The following SERPINB7 variants were observed in gnomAD, a reference collection of about 807,000 sequenced individuals.
SERPINB7 encodes the protein serpin family B member 7.
A neutral mutation model predicts 37.4 loss-of-function variants in SERPINB7; 31 were observed. The observed-to-expected ratio is 0.83, with a 90% confidence interval of 0.62 to 1.12. SERPINB7 has a LOEUF of 1.12. Ranked by LOEUF, SERPINB7 falls within the 50% of genes most tolerant of loss-of-function variation. The pLI is 0.00. For missense variants in SERPINB7, 521 were observed against 455.3 expected, an observed-to-expected ratio of 1.14 and a Z score of -1.31; for synonymous variants, 163 against 166.1, an observed-to-expected ratio of 0.98 and a Z score of 0.14.
intron 1 of SERPINB7, among the ~76,000 whole-genome samples, chr18:63,754,880 C>CTT (rs71162676): frequency 0.081 from 4,717 of 58,000 alleles, 1,511 homozygotes; most frequent in Non-Finnish European, 0.1. Context: ...AAACTGAGGT[C>CTT]TTTTTTTTTT....
chr18:63,803,793 G>T (rs2049575343), intron 7 of SERPINB7, among the ~76,000 whole-genome samples: 2 of 152,160 alleles, frequency 1.3e-5, no homozygotes. Context: ...GCCACGTGGG[G>T]TTCCTTTGGT....
Position 63,755,389 on chromosome 18 carries a change from C to T in SERPINB7, c.-19+2269C>T, listed in dbSNP as rs151028011. On this transcript the variant is annotated intron_variant, in intron 1 of 7. Coordinates refer to the SERPINB7 transcript ENST00000336429. ...AGAGCAATTTTTGGATTGCAGGAGGCATGAATAGGGACAAAAATTAAAGAC... is the reference window on the plus strand; with the variant it reads ...AGAGCAATTTTTGGATTGCAGGAGGTATGAATAGGGACAAAAATTAAAGAC... 2.7e-3 allele frequency among the ~76,000 whole-genome samples: 417 copies of T among 152,180 alleles called. 3 individuals carry two copies. The highest frequency in any genetic ancestry group is 9.2e-3 in the African/African-American group (380 of 41,530).
At chr18:63,772,470 TGGTCAA>T (rs895893583), upstream of SERPINB7, among the ~76,000 whole-genome samples, 5 of 152,232 alleles carry the variant, frequency 3.3e-5, no homozygotes, top group South Asian at 4.1e-4. Flanking sequence ...CCACTGAAAC[TGGTCAA>T]GGTAAAGCTT....
At chr18:63,772,023 A>G (rs2049214331), upstream of SERPINB7, among the ~76,000 whole-genome samples, 2 of 151,916 alleles carry the variant, frequency 1.3e-5, no homozygotes, top group African/African-American at 2.4e-5. Flanking sequence ...ATACAGGTAA[A>G]CTGCATGTCG....
In SERPINB7 at chr18:63,796,377, A is replaced by G; in HGVS notation, c.448A>G (p.Thr150Ala). Residue 150 changes from threonine to alanine, a missense_variant, in exon 5 of 8, where the codon ACA becomes GCA. Physicochemically the swap from Thr to Ala is moderately conservative, Grantham distance 58 (BLOSUM62 0). Transcript: ENST00000398019. ...TATTAATAAGTGGGTTGAAAATGAA[A>G]CACATGGTGAGTATTGAAATACCCT... The part of the protein sequence containing the change: ...RNINKWVENE[T>A]HGKIKNVIGE... The G allele has an allele frequency of 1.3e-6, 2 of 1,523,842 alleles. No homozygotes were observed. The highest frequency in any genetic ancestry group is 1.8e-6 in the Non-Finnish European group (2 of 1,098,462). 94.4% of individuals were successfully genotyped at this position (1,523,842 alleles called of 1,614,324 possible). A position where few individuals can be genotyped will look rare whatever the true frequency, so the allele number is the denominator to read the frequency against.
At chr18:63,800,736 T>C in intron 6 of SERPINB7, 130 bp from the exon 7 acceptor site, 4 of 891,016 alleles carry the variant, frequency 4.5e-6, no homozygotes, top group Non-Finnish European at 6.7e-6. Flanking sequence ...ATTGGTAACA[T>C]GTCAGGAAAA....
intron 2 of SERPINB7, among the ~76,000 whole-genome samples, chr18:63,791,869 C>A (rs2049432551): frequency 6.6e-6 from 1 of 152,198 alleles, no homozygotes; most frequent in African/African-American, 2.4e-5. Context: ...CTTGGCCTCC[C>A]AAAGTGCTGA....
intron 2 of SERPINB7, among the ~76,000 whole-genome samples, chr18:63,790,694 T>C (rs1241982761): frequency 6.6e-6 from 1 of 152,140 alleles, no homozygotes; most frequent in African/African-American, 2.4e-5. Flanking sequence ...GCTCCACATG[T>C]TGAAAACACT....
intron 1 of SERPINB7, among the ~76,000 whole-genome samples, chr18:63,763,050 A>C (rs577771246): frequency 6.6e-6 from 1 of 152,156 alleles, no homozygotes; most frequent in Non-Finnish European, 1.5e-5. Flanking sequence ...GTAGCATAAA[A>C]CATACTCCTT....
intron 5 of SERPINB7, 29 bp downstream of exon 5, chr18:63,796,412 C>T (rs558522554): frequency 2.4e-6 from 3 of 1,264,024 alleles, no homozygotes; most frequent in Non-Finnish European, 3.5e-6. Context: ...TATTTTTCTA[C>T]AAGATTTGTC....
At chr18:63,785,610 G>T (rs1011710888) in intron 2 of SERPINB7, among the ~76,000 whole-genome samples, 4 of 151,904 alleles carry the variant, frequency 2.6e-5, no homozygotes, top group African/African-American at 7.2e-5. Context: ...TGTGCTTGAG[G>T]TTCAATGCAG....
intron 1 of SERPINB7, among the ~76,000 whole-genome samples, chr18:63,755,225 GGT>G (rs959823133): frequency 1.3e-5 from 2 of 151,536 alleles, no homozygotes; most frequent in Non-Finnish European, 1.5e-5. Flanking sequence ...CTTAAGTTGA[GGT>G]GGTGTTTCAG....
intron 2 of SERPINB7, among the ~76,000 whole-genome samples, chr18:63,791,316 T>C (rs1193191949): frequency 6.6e-6 from 1 of 152,190 alleles, no homozygotes; most frequent in Non-Finnish European, 1.5e-5. Context: ...TTTTTAAAAA[T>C]GGTGATGACA....
chr18:63,772,894 C>G (rs566919124), upstream of SERPINB7, among the ~76,000 whole-genome samples: 9 of 152,208 alleles, frequency 5.9e-5, no homozygotes, highest in African/African-American at 2.2e-4. Flanking sequence ...CCGCTGATTG[C>G]ATTCATTTAA....
intron 1 of SERPINB7, among the ~76,000 whole-genome samples, chr18:63,768,092 T>G (rs902745893): frequency 4.6e-5 from 7 of 152,124 alleles, no homozygotes; most frequent in Non-Finnish European, 1.0e-4. Flanking sequence ...GGGTTAAATC[T>G]TATTGATTAA....
At chr18:63,776,073 A>G (rs2049244645) in intron 1 of SERPINB7, among the ~76,000 whole-genome samples, 1 of 152,084 alleles carries the variant, frequency 6.6e-6, no homozygotes, top group South Asian at 2.1e-4. Flanking sequence ...CCCATTGTCC[A>G]TCAAAACCTG....
chr18:63,803,988 A>G (rs1201782569), intron 7 of SERPINB7, among the ~76,000 whole-genome samples: 1 of 152,162 alleles, frequency 6.6e-6, no homozygotes, highest in African/African-American at 2.4e-5. Flanking sequence ...CAGAGAGTGG[A>G]ATTGCCCTAA....
At chr18:63,770,950 G>T (rs968864133), upstream of SERPINB7, among the ~76,000 whole-genome samples, 2 of 146,222 alleles carry the variant, frequency 1.4e-5, no homozygotes, top group Non-Finnish European at 1.5e-5. Context: ...ATTCATCTTC[G>T]TTGGAACAAA....
intron 1 of SERPINB7, among the ~76,000 whole-genome samples, chr18:63,754,218 A>G (rs912517911): frequency 6.6e-6 from 1 of 152,244 alleles, no homozygotes; most frequent in African/African-American, 2.4e-5. Flanking sequence ...TTAAAGAGTT[A>G]TGAAGTCTAC....
Sources: gnomAD v4.1 joint callset for allele counts (sites outside exome capture counted in the v4.1 genomes callset) on GRCh38, gnomAD v4.1.1 for gene constraint, MANE v1.5 for transcripts, NCBI Gene and HGNC (gene_info 2026-07-23, HGNC 2026-07-21) for gene names.